LPP: variants seen among roughly 807,000 people sequenced by gnomAD.
LPP encodes the protein LIM domain containing preferred translocation partner in lipoma, also known as lipoma-preferred partner.
In LPP, 38 loss-of-function variants were observed where a neutral mutation model predicts 60.4. That is an observed-to-expected ratio of 0.63 (90% CI 0.49 to 0.83). LPP has a LOEUF of 0.83. Ranked by LOEUF, LPP falls within the 40% of genes least tolerant of loss-of-function variation. The probability of loss-of-function intolerance (pLI) is 0.00; values close to 1 mark genes in which losing one functional copy is unlikely to be tolerated. For missense variants in LPP, 902 were observed against 783.6 expected, an observed-to-expected ratio of 1.15 and a Z score of -1.80; for synonymous variants, 328 against 290.8, an observed-to-expected ratio of 1.13 and a Z score of -1.30.
chr3:188,690,044 A>G lies in LPP; in HGVS notation c.1114-18223A>G, dbSNP rs1480718771. On this transcript the variant is annotated intron_variant, in intron 7 of 11. Transcript: ENST00000617246. Reference sequence around the variant, plus strand: ...TGACTTTATCACAAGGTAACCCAAGATATTGCCAATATTTACATGTGACAA... The same window carrying G: ...TGACTTTATCACAAGGTAACCCAAGGTATTGCCAATATTTACATGTGACAA... Among the ~76,000 whole-genome samples, 3 of 152,292 alleles carry G rather than the reference A, an allele frequency of 2.0e-5. No individual in the cohort carries two copies. The South Asian group carries it at 6.2e-4, about 32-fold the overall frequency.
chr3:188,495,790 A>T (rs954836302), intron 5 of LPP, among the ~76,000 whole-genome samples: 2 of 152,186 alleles, frequency 1.3e-5, no homozygotes, highest in Non-Finnish European at 2.9e-5. Flanking sequence ...AATCCAATCA[A>T]CAGGGGCACA....
intron 7 of LPP, among the ~76,000 whole-genome samples, chr3:188,669,951 T>C (rs1281678929): frequency 6.6e-6 from 1 of 152,204 alleles, no homozygotes; most frequent in Admixed American, 6.5e-5. Context: ...ATGTCCTTTG[T>C]AGCGACATGG....
At chr3:188,626,262 A>G (rs949291825) in intron 7 of LPP, among the ~76,000 whole-genome samples, 5 of 152,196 alleles carry the variant, frequency 3.3e-5, no homozygotes, top group African/African-American at 1.2e-4. Flanking sequence ...AAAATACTAC[A>G]AATTTCAAAA....
intron 5 of LPP, among the ~76,000 whole-genome samples, chr3:188,485,075 G>T (rs1041011831): frequency 8.5e-5 from 13 of 152,062 alleles, no homozygotes; most frequent in Non-Finnish European, 1.3e-4. Context: ...TTCAAACATT[G>T]CATTCAAGTG....
intron 6 of LPP, among the ~76,000 whole-genome samples, chr3:188,526,635 A>T (rs952278947): frequency 6.6e-6 from 1 of 152,116 alleles, no homozygotes; most frequent in African/African-American, 2.4e-5. Context: ...CTTAACATAT[A>T]ATGGAATTGT....
intron 3 of LPP, among the ~76,000 whole-genome samples, chr3:188,344,246 T>C (rs1057481234): frequency 2.0e-5 from 3 of 152,224 alleles, no homozygotes; most frequent in Non-Finnish European, 2.9e-5. Context: ...GAATTGTTTA[T>C]TATAATTTGG....
chr3:188,533,688 G>T, intron 6 of LPP, among the ~76,000 whole-genome samples: 1 of 152,142 alleles, frequency 6.6e-6, no homozygotes, highest in East Asian at 1.9e-4. Flanking sequence ...AAAAGAGAAA[G>T]GGATCTTATT....
intron 8 of LPP, among the ~76,000 whole-genome samples, chr3:188,716,992 G>A (rs1714274396): frequency 6.6e-6 from 1 of 152,136 alleles, no homozygotes; most frequent in South Asian, 2.1e-4. Context: ...TTTTCTACAT[G>A]TTATATCACT....
Position 188,767,926 on chromosome 3 carries a change from C to T in LPP, c.1410+7644C>T, listed in dbSNP as rs759415968. Among the ~76,000 whole-genome samples, 60 of 151,936 alleles carry T rather than the reference C, an allele frequency of 3.9e-4. 1 individual carries two copies. The highest frequency in any genetic ancestry group is 7.2e-4 in the Non-Finnish European group (49 of 67,968). On this transcript the variant is annotated intron_variant, in intron 9 of 11. Transcript: ENST00000617246. ...ATTGTTGATAAGTTGAAAAATACTGCAATGTTTAGATCTGGGGATGATTTT... is the reference window on the plus strand; with the variant it reads ...ATTGTTGATAAGTTGAAAAATACTGTAATGTTTAGATCTGGGGATGATTTT...
At chr3:188,153,579 T>A (rs1167286896), upstream of LPP, 3 of 152,254 alleles carry the variant, frequency 2.0e-5, no homozygotes, top group African/African-American at 4.8e-5. Context: ...AGTCTCCACA[T>A]CTCCCTCTTT....
chr3:188,554,243 G>A lies in LPP; in HGVS notation c.429+29456G>A, dbSNP rs542987077. On this transcript the variant is annotated intron_variant, in intron 6 of 11. Coordinates refer to ENST00000617246, the MANE Select transcript of LPP (RefSeq NM_001375462.1). ...TTGATAATATCTACCACCCACTGTG[G>A]TGCATGGAGAGGAAAAACCTTCTAT... 4 of 152,130 alleles carry A rather than the reference G, an allele frequency of 2.6e-5. No individual in the cohort carries two copies. In the South Asian group the frequency reaches 6.2e-4, roughly 24 times the overall value. 9.4% of individuals were successfully genotyped at this position (152,130 alleles called of 1,614,324 possible).
At position 188,884,013 on chromosome 3, in the gene LPP, C is replaced by T; in HGVS notation, c.*9534C>T. On this transcript the variant is annotated 3_prime_UTR_variant, in exon 12 of 12. Coordinates refer to ENST00000617246, the MANE Select transcript of LPP (RefSeq NM_001375462.1). ...AGACCATGATTGTGGCTTCTTCTAC[C>T]CCAACTTTGAATGAGAGAGCACTGT... 1 of 220,552 alleles carries T rather than the reference C, an allele frequency of 4.5e-6. No homozygotes were observed. The highest frequency in any genetic ancestry group is 2.2e-5 in the African/African-American group (1 of 44,678). The allele number at this position is 220,552 out of a possible 1,614,324, so 13.7% of individuals were successfully genotyped here. A position where few individuals can be genotyped will look rare whatever the true frequency, so the allele number is the denominator to read the frequency against.
At chr3:188,530,159 C>CAA (rs111244891) in intron 6 of LPP, among the ~76,000 whole-genome samples, 4,665 of 120,394 alleles carry the variant, frequency 0.039, 101 homozygotes, top group South Asian at 0.065. Context: ...CTGAAAAACT[C>CAA]AAACTTACTT....
intron 7 of LPP, among the ~76,000 whole-genome samples, chr3:188,648,912 A>G (rs1290154797): frequency 6.6e-6 from 1 of 152,100 alleles, no homozygotes; most frequent in Non-Finnish European, 1.5e-5. Context: ...GTCAAAAAAT[A>G]TTTTTTCTTC....
intron 1 of LPP, chr3:188,208,202 A>G (rs2149176802): frequency 6.6e-6 from 1 of 152,344 alleles, no homozygotes; most frequent in East Asian, 1.9e-4. Context: ...CTTTTCAGGA[A>G]TTGAAGAGAA....
chr3:188,534,209 C>T (rs552526599), intron 6 of LPP, among the ~76,000 whole-genome samples: 16 of 152,288 alleles, frequency 1.1e-4, no homozygotes, highest in Non-Finnish European at 2.1e-4. Context: ...AGGGGGTTGT[C>T]TTCTGTGGTT....
chr3:188,293,923 G>C (rs1445506827), intron 2 of LPP, among the ~76,000 whole-genome samples: 2 of 151,792 alleles, frequency 1.3e-5, no homozygotes, highest in Admixed American at 6.6e-5. Flanking sequence ...AAAATCAGTT[G>C]GGCGTAGTAG....
At chr3:188,767,908 A>G (rs142151673) in intron 9 of LPP, among the ~76,000 whole-genome samples, 3 of 152,294 alleles carry the variant, frequency 2.0e-5, no homozygotes, top group East Asian at 1.9e-4. Flanking sequence ...AACATTGTTG[A>G]TAAGTTGAAA....
intron 2 of LPP, among the ~76,000 whole-genome samples, chr3:188,315,762 C>G (rs1754846779): frequency 6.6e-6 from 1 of 152,120 alleles, no homozygotes; most frequent in Admixed American, 6.6e-5. Flanking sequence ...AAATAAATCT[C>G]CAGGGAATTA....
Sources: gnomAD v4.1 joint callset for allele counts (sites outside exome capture counted in the v4.1 genomes callset) on GRCh38, gnomAD v4.1.1 for gene constraint, MANE v1.5 for transcripts, NCBI Gene and HGNC (gene_info 2026-07-23, HGNC 2026-07-21) for gene names.